The following WWOX variants were observed in gnomAD, a reference collection of about 807,000 sequenced individuals.
WWOX encodes the protein WW domain containing oxidoreductase.
WWOX carries 69 observed loss-of-function variants against 46.2 expected under a neutral mutation model. That is an observed-to-expected ratio of 1.49 (90% CI 1.23 to 1.82). The LOEUF is 1.82. Ranked by LOEUF, WWOX falls within the 40% of genes most tolerant of loss-of-function variation. The pLI, the probability that WWOX is intolerant of heterozygous loss-of-function variation, is 0.00. For missense variants in WWOX, 919 were observed against 542.6 expected, an observed-to-expected ratio of 1.69 and a Z score of -6.89; for synonymous variants, 359 against 202.6, an observed-to-expected ratio of 1.77 and a Z score of -6.56.
intron 8 of WWOX, among the ~76,000 whole-genome samples, chr16:79,058,555 A>T (rs1327529713): frequency 3.3e-5 from 5 of 152,172 alleles, no homozygotes; most frequent in African/African-American, 4.8e-5. Context: ...GATATAGGGA[A>T]TTGAAAAGAC....
chr16:79,196,076 A>G (rs1567610668), intron 8 of WWOX, among the ~76,000 whole-genome samples: 1 of 152,178 alleles, frequency 6.6e-6, no homozygotes, highest in Non-Finnish European at 1.5e-5. Context: ...TCATTTGAGG[A>G]AGTACCAAAG....
At chr16:78,933,931 C>A (rs1350236942) in intron 8 of WWOX, among the ~76,000 whole-genome samples, 1 of 152,046 alleles carries the variant, frequency 6.6e-6, no homozygotes. Flanking sequence ...GTGGCTCGCA[C>A]CTGTAATCCC....
intron 5 of WWOX, among the ~76,000 whole-genome samples, chr16:78,288,168 CG>C (rs2079800794): frequency 6.6e-6 from 1 of 151,480 alleles, no homozygotes; most frequent in African/African-American, 2.4e-5. Flanking sequence ...AAATGAAAAA[CG>C]GAAACACTTT....
At chr16:78,615,965 T>C (rs1419212961) in intron 8 of WWOX, among the ~76,000 whole-genome samples, 1 of 152,134 alleles carries the variant, frequency 6.6e-6, no homozygotes, top group Non-Finnish European at 1.5e-5. Context: ...TTAGCCAGGA[T>C]GGTCTCGATC....
At chr16:79,116,906 A>G (rs184014641) in intron 8 of WWOX, among the ~76,000 whole-genome samples, 24 of 152,232 alleles carry the variant, frequency 1.6e-4, no homozygotes, top group Non-Finnish European at 1.5e-5. Context: ...TAATAATAAT[A>G]CTTGATAGTT....
At chr16:78,234,802 C>CAA (rs35018794) in intron 5 of WWOX, among the ~76,000 whole-genome samples, 18,944 of 148,540 alleles carry the variant, frequency 0.13, 1,290 homozygotes, top group Non-Finnish European at 0.15. Flanking sequence ...AAAAAAACAA[C>CAA]AAAAAAAAAC....
Position 78,167,232 on chromosome 16 carries a change from C to G in WWOX, c.516+2943C>G, listed in dbSNP as rs551427258. 3 of 152,246 alleles carry G rather than the reference C, an allele frequency of 2.0e-5. No individual in the cohort carries two copies. In the East Asian group the frequency reaches 5.8e-4, roughly 29 times the overall value. The allele number at this position is 152,246 out of a possible 1,614,324, so 9.4% of individuals were successfully genotyped here. ...ATGCTTAGAGCAGAAATTCCTGGAC[C>G]TGCCCCAATTAGCGATGAGACCTTG... On this transcript the variant is annotated intron_variant, in intron 5 of 8. Coordinates refer to ENST00000566780, the MANE Select transcript of WWOX (RefSeq NM_016373.4).
At chr16:78,688,832 T>A (rs1317256869) in intron 8 of WWOX, among the ~76,000 whole-genome samples, 1 of 152,158 alleles carries the variant, frequency 6.6e-6, no homozygotes, top group African/African-American at 2.4e-5. Context: ...TGGGAGGTGA[T>A]TGAATCATGT....
intron 4 of WWOX, among the ~76,000 whole-genome samples, chr16:78,136,665 C>T (rs1353019622): frequency 1.3e-5 from 2 of 152,174 alleles, no homozygotes; most frequent in Non-Finnish European, 2.9e-5. Context: ...GGTTCGTTAA[C>T]CTGTAAAGAG....
intron 8 of WWOX, among the ~76,000 whole-genome samples, chr16:79,189,424 TG>T (rs1372946222): frequency 2.9e-3 from 16 of 5,446 alleles, no homozygotes; most frequent in African/African-American, 0.018. Flanking sequence ...CTCCCAGCTT[TG>T]TGTGTGTGTG....
chr16:79,116,063 G>C (rs564627370), intron 8 of WWOX, among the ~76,000 whole-genome samples: 1 of 152,284 alleles, frequency 6.6e-6, no homozygotes, highest in South Asian at 2.1e-4. Flanking sequence ...AGCATTGTAA[G>C]AAAACAATGT....
At chr16:78,422,981 G>A (rs2082988216) in intron 6 of WWOX, among the ~76,000 whole-genome samples, 1 of 151,322 alleles carries the variant, frequency 6.6e-6, no homozygotes, top group African/African-American at 2.4e-5. Context: ...TGCCTCCTGG[G>A]TTCAAGTGAT....
intron 8 of WWOX, 111 bp downstream of exon 8, chr16:78,432,863 C>A (rs2083258224): frequency 7.9e-6 from 12 of 1,519,840 alleles, no homozygotes; most frequent in South Asian, 2.3e-5. Context: ...TCAGTAATAA[C>A]ATTGTCCAGC....
At position 78,197,302 on chromosome 16, in the gene WWOX, C is replaced by T. The variant is rs538356119; in HGVS notation, c.516+33013C>T. Among the ~76,000 whole-genome samples the T allele has an allele frequency of 1.8e-4, 28 of 152,284 alleles. 1 individual carries two copies. The South Asian group carries it at 4.2e-3, about 23-fold the overall frequency. On this transcript the variant is annotated intron_variant, in intron 5 of 8. Coordinates refer to ENST00000566780, the MANE Select transcript of WWOX (RefSeq NM_016373.4). The stretch of plus-strand genomic sequence containing the variant: ...TTCCCATATACCACAGTTTCTAATA[C>T]GATATTATACCAAGCTTTAATATGA...
rs576797740 is a variant in WWOX at position 78,511,718 on chromosome 16, C to T, written c.1056+78966C>T. ...CTGCTAATAAAATGCCACAGATAGT[C>T]TGGGAGAGGCATGAAAATTTGATGG... On this transcript the variant is annotated intron_variant, in intron 8 of 8. Coordinates refer to ENST00000566780, the MANE Select transcript of WWOX (RefSeq NM_016373.4). Among the ~76,000 whole-genome samples, 31 of 152,262 alleles carry T rather than the reference C, an allele frequency of 2.0e-4. No individual in the cohort carries two copies. The South Asian group carries it at 5.2e-3, about 25-fold the overall frequency.
At chr16:78,167,153 C>T (rs1379590936) in intron 5 of WWOX, 8 of 152,140 alleles carry the variant, frequency 5.3e-5, no homozygotes, top group Non-Finnish European at 1.2e-4. Context: ...TCTGAGAACA[C>T]AATATATATG....
chr16:78,688,848 G>A (rs753907455), intron 8 of WWOX, among the ~76,000 whole-genome samples: 6 of 152,152 alleles, frequency 3.9e-5, no homozygotes, highest in Non-Finnish European at 8.8e-5. Context: ...CATGTGTGCA[G>A]TTACCCCCAT....
At chr16:78,883,002 C>G (rs1462831063) in intron 8 of WWOX, among the ~76,000 whole-genome samples, 2 of 152,022 alleles carry the variant, frequency 1.3e-5, no homozygotes, top group African/African-American at 2.4e-5. Context: ...TTGGCTGCTC[C>G]CGACACAAGG....
intron 8 of WWOX, among the ~76,000 whole-genome samples, chr16:79,141,166 T>C (rs995342046): frequency 6.6e-6 from 1 of 152,214 alleles, no homozygotes; most frequent in Non-Finnish European, 1.5e-5. Flanking sequence ...TTGGAGAGGC[T>C]ATTCAGAAAC....
Sources: allele counts gnomAD v4.1 joint callset (sites outside exome capture counted in the v4.1 genomes callset), GRCh38; gene constraint gnomAD v4.1.1; transcripts MANE v1.5; gene names NCBI Gene and HGNC (gene_info 2026-07-23, HGNC 2026-07-21).